The following AMN1 variants were observed in gnomAD, a reference collection of about 807,000 sequenced individuals.
AMN1 encodes protein AMN1 homolog.
AMN1 carries 20 observed loss-of-function variants against 33.0 expected under a neutral mutation model. The ratio of observed to expected loss-of-function variants is 0.61; its 90% CI spans 0.43 to 0.88. AMN1 has a LOEUF of 0.88. AMN1 is among the 40% of genes least tolerant of loss of function. The pLI is 0.00. For synonymous variants in AMN1, 114 were observed against 111.9 expected (o/e 1.02, Z -0.12); for missense variants, 246 against 307.4 (o/e 0.80, Z 1.49).
At chr12:31,712,798 G>A (rs938689809) in intron 1 of AMN1, among the ~76,000 whole-genome samples, 1 of 152,060 alleles carries the variant, frequency 6.6e-6, no homozygotes, top group African/African-American at 2.4e-5. Context: ...TGGGACTACA[G>A]GTGCATGCCA....
At chr12:31,684,734 G>A (rs1353386769) in intron 6 of AMN1, among the ~76,000 whole-genome samples, 3 of 152,142 alleles carry the variant, frequency 2.0e-5, no homozygotes, top group Non-Finnish European at 4.4e-5. Flanking sequence ...GCCTCGCAAA[G>A]TGCTGGGATT....
intron 1 of AMN1, among the ~76,000 whole-genome samples, chr12:31,712,749 G>A (rs1011843546): frequency 6.6e-6 from 1 of 151,874 alleles, no homozygotes; most frequent in Admixed American, 6.6e-5. Context: ...TCTGCCTTCC[G>A]GGTTCAAGCA....
At chr12:31,698,357 C>T (rs1938830608) in intron 3 of AMN1, among the ~76,000 whole-genome samples, 1 of 152,130 alleles carries the variant, frequency 6.6e-6, no homozygotes, top group Admixed American at 6.6e-5. Context: ...GTTAAACTGC[C>T]CAAATGGTTT....
At chr12:31,710,606 G>A (rs1207610367) in intron 1 of AMN1, among the ~76,000 whole-genome samples, 1 of 151,662 alleles carries the variant, frequency 6.6e-6, no homozygotes, top group African/African-American at 2.4e-5. Context: ...TTGTGTGGGG[G>A]AGGGGTCATT....
At chr12:31,678,460 C>T (rs1409739148) in intron 6 of AMN1, among the ~76,000 whole-genome samples, 1 of 150,884 alleles carries the variant, frequency 6.6e-6, no homozygotes, top group African/African-American at 2.5e-5. Flanking sequence ...GCAATGGTGT[C>T]ATCTCAGCTC....
At chr12:31,729,054 AC>A, upstream of AMN1, 1 of 1,499,022 alleles carries the variant, frequency 6.7e-7, no homozygotes, top group East Asian at 2.6e-5. Flanking sequence ...GGCCTCCAGA[AC>A]CCAGCCAGGG....
At position 31,709,332 on chromosome 12, in the gene AMN1, C is replaced by T. The variant is rs374840560; in HGVS notation, c.132G>A (p.Met44Ile). 1.2e-6 allele frequency: 2 copies of T among 1,613,618 alleles called. No homozygotes were observed. Among genetic ancestry groups the T allele is most frequent in the Non-Finnish European group, 1.7e-6 (2 of 1,179,584 alleles). Reference protein sequence around the residue: ...PNIKDRLIKIMSMQGQITDSN... With the variant: ...PNIKDRLIKIISMQGQITDSN... ...AATCTGTTATCTGTCCCTGCATACT[C>T]ATTATTTTAATCAGTCTGTCTTTTA... The change falls in exon 2 of 7, where the codon ATG becomes ATA. Residue 44 changes from methionine to isoleucine, a missense_variant. Transcript: ENST00000281471.
chr12:31,713,149 A>G (rs1422665514), intron 1 of AMN1, among the ~76,000 whole-genome samples: 2 of 152,154 alleles, frequency 1.3e-5, no homozygotes, highest in Admixed American at 6.5e-5. Flanking sequence ...TTGTGGCCAA[A>G]TACATGCTCT....
chr12:31,712,577 T>G (rs574132134), intron 1 of AMN1, among the ~76,000 whole-genome samples: 2 of 152,246 alleles, frequency 1.3e-5, no homozygotes, highest in South Asian at 2.1e-4. Context: ...CTGAATAATA[T>G]TCCATCATAT....
intron 5 of AMN1, 105 bp downstream of exon 5, chr12:31,697,256 A>G: frequency 1.1e-6 from 1 of 938,688 alleles, no homozygotes; most frequent in Non-Finnish European, 1.6e-6. Context: ...AAAGTCCCTA[A>G]AATACGTAAT....
At chr12:31,710,729 A>G (rs933199135) in intron 1 of AMN1, among the ~76,000 whole-genome samples, 4 of 152,182 alleles carry the variant, frequency 2.6e-5, no homozygotes, top group Non-Finnish European at 5.9e-5. Flanking sequence ...CTTAATGGTC[A>G]CATCATATTT....
At chr12:31,728,882 A>ATG in intron 1 of AMN1, 89 bp downstream of exon 1, 1 of 1,188,650 alleles carries the variant, frequency 8.4e-7, no homozygotes, top group East Asian at 3.7e-5. Context: ...GGGGTGGGAA[A>ATG]GGGGCGGGGA....
intron 5 of AMN1, among the ~76,000 whole-genome samples, chr12:31,690,446 C>T (rs369933719): frequency 1.3e-5 from 2 of 152,184 alleles, no homozygotes; most frequent in East Asian, 3.9e-4. Flanking sequence ...TTTATTATGG[C>T]CATTCTTGCA....
chr12:31,690,218 A>G (rs888261219), intron 5 of AMN1, among the ~76,000 whole-genome samples: 2 of 152,330 alleles, frequency 1.3e-5, no homozygotes, highest in Admixed American at 1.3e-4. Flanking sequence ...TGCTATAAAC[A>G]TGTGTGTACA....
At chr12:31,700,694 T>C (rs1359214934) in intron 3 of AMN1, among the ~76,000 whole-genome samples, 1 of 152,132 alleles carries the variant, frequency 6.6e-6, no homozygotes, top group Non-Finnish European at 1.5e-5. Flanking sequence ...AATTTTAATT[T>C]TATTTATTTT....
intron 1 of AMN1, among the ~76,000 whole-genome samples, chr12:31,728,365 G>GT (rs1423515426): frequency 6.6e-6 from 1 of 152,154 alleles, no homozygotes; most frequent in Non-Finnish European, 1.5e-5. Context: ...GGTTTTACAT[G>GT]TTTTAAATTT....
chr12:31,676,409 A>C (rs1937701741), intron 6 of AMN1, among the ~76,000 whole-genome samples: 1 of 150,968 alleles, frequency 6.6e-6, no homozygotes, highest in Non-Finnish European at 1.5e-5. Context: ...CAGGAGTTTG[A>C]GACTAGCCTG....
At chr12:31,673,726 C>A in intron 6 of AMN1, 1 of 367,680 alleles carries the variant, frequency 2.7e-6, no homozygotes, top group Non-Finnish European at 5.4e-6. Flanking sequence ...AAATGCTCAA[C>A]AAAACACCAG....
intron 1 of AMN1, among the ~76,000 whole-genome samples, chr12:31,721,402 C>G (rs1939874105): frequency 6.6e-6 from 1 of 152,176 alleles, no homozygotes; most frequent in South Asian, 2.1e-4. Flanking sequence ...TCAGCATTCC[C>G]TGTGAGCCAA....
Sources: allele counts gnomAD v4.1 joint callset (sites outside exome capture counted in the v4.1 genomes callset), GRCh38; gene constraint gnomAD v4.1.1; transcripts MANE v1.5; gene names NCBI Gene and HGNC (gene_info 2026-07-23, HGNC 2026-07-21).